The following ADSL variants were observed in gnomAD, a reference collection of about 807,000 sequenced individuals.
The protein encoded by ADSL is adenylosuccinase.
A neutral mutation model predicts 62.1 loss-of-function variants in ADSL; 44 were observed. That is an observed-to-expected ratio of 0.71 (90% CI 0.56 to 0.91). The LOEUF (loss-of-function observed/expected upper bound fraction) is 0.91. ADSL is among the 40% of genes least tolerant of loss of function. The pLI is 0.00. For missense variants in ADSL, 531 were observed against 627.4 expected, an observed-to-expected ratio of 0.85 and a Z score of 1.64; for synonymous variants, 198 against 220.5, an observed-to-expected ratio of 0.90 and a Z score of 0.90.
chr22:40,363,684 C>T (rs1166429961), intron 10 of ADSL, among the ~76,000 whole-genome samples: 2 of 147,044 alleles, frequency 1.4e-5, no homozygotes, highest in African/African-American at 5.1e-5. Flanking sequence ...TGCGGTGAGC[C>T]GAGATCGTGT....
In ADSL at chr22:40,353,118, G is replaced by T. The variant is rs761551284; in HGVS notation, c.402+1G>T. The stretch of plus-strand genomic sequence containing the variant: ...TGCACTTGACCTGCTTTTGCCAAAG[G>T]TAAGGAGTTGGCAGATGTTTCCTAC... On this transcript the variant is annotated splice_donor_variant, in intron 3 of 12. Coordinates refer to ENST00000623063, the MANE Select transcript of ADSL (RefSeq NM_000026.4). LOFTEE classifies it high-confidence loss of function. 9 of 1,613,232 alleles carry T rather than the reference G, an allele frequency of 5.6e-6. No homozygotes were observed. Among genetic ancestry groups the T allele is most frequent in the Non-Finnish European group, 7.6e-6 (9 of 1,179,194 alleles).
At chr22:40,378,222 G>C (rs2046975362) in intron 2 of ADSL, 1 of 151,946 alleles carries the variant, frequency 6.6e-6, no homozygotes, top group Non-Finnish European at 1.5e-5. Flanking sequence ...TTGAGGCCAA[G>C]AGTTTGAGAC....
At chr22:40,364,795 A>G (rs552626683) in intron 11 of ADSL, 85 bp from the exon 12 acceptor site, 8 of 1,418,196 alleles carry the variant, frequency 5.6e-6, no homozygotes, top group South Asian at 1.2e-5. Flanking sequence ...TGTAGACTGC[A>G]TGGATGGGAA....
chr22:40,346,589 G>A lies in ADSL; in HGVS notation c.31G>A (p.Asp11Asn), dbSNP rs761759515. 1 of 1,606,264 alleles carries A rather than the reference G, an allele frequency of 6.2e-7. No homozygotes were observed. ...GGCTGGAGGCGATCATGGTTCGCCC[G>A]ACAGCTACCGCTCACCTCTTGCCTC... MAAGGDHGSP[D>N]SYRSPLASRY... is the part of the protein sequence containing the mutation. Residue 11 changes from aspartate (D) to asparagine (N), a missense_variant, in exon 1 of 13, where the codon GAC (aspartate) becomes AAC (asparagine). This residue lies in a region of ADSL where 60 missense variants were observed against 34.5 expected (regional missense o/e 1.74). Coordinates refer to ENST00000623063, the MANE Select transcript of ADSL (RefSeq NM_000026.4).
chr22:40,346,721 C>G lies in ADSL; in HGVS notation c.153+10C>G, dbSNP rs751038604. ...GGCGGAGGCCGAGCAGGTAACGGAT[C>G]CCGGGCTGAGGGGCTGGGCCGGGAG... On this transcript the variant is annotated intron_variant, in intron 1 of 12. Transcript: ENST00000623063. 1.3e-6 allele frequency: 2 copies of G among 1,599,170 alleles called. No individual in the cohort carries two copies. Among genetic ancestry groups the G allele is most frequent in the Non-Finnish European group, 8.5e-7 (1 of 1,176,094 alleles).
intron 6 of ADSL, among the ~76,000 whole-genome samples, 170 bp downstream of exon 6, chr22:40,359,476 C>CTTTTTTTTTTT (rs56719087): frequency 6.8e-5 from 3 of 43,858 alleles, no homozygotes; most frequent in African/African-American, 1.3e-4. Flanking sequence ...TATCTGGATT[C>CTTTTTTTTTTT]TTTTTTTTTT....
intron 4 of ADSL, among the ~76,000 whole-genome samples, chr22:40,356,582 T>C (rs1343343754): frequency 2.0e-5 from 3 of 151,262 alleles, no homozygotes; most frequent in Non-Finnish European, 4.4e-5. Context: ...TAGTGACTTA[T>C]GGCTGTAATC....
chr22:40,360,615 T>A, intron 7 of ADSL, 123 bp downstream of exon 7: 1 of 726,952 alleles, frequency 1.4e-6, no homozygotes, highest in East Asian at 2.7e-5. Context: ...TTTTAATAAT[T>A]TGTGGTCTGT....
At chr22:40,346,743 G>A (rs2044155418) in intron 1 of ADSL, 32 bp downstream of exon 1, 52 of 1,572,900 alleles carry the variant, frequency 3.3e-5, no homozygotes, top group Non-Finnish European at 4.4e-5. Context: ...GGCTGGGCCG[G>A]GAGGGACGGG....
Position 40,349,870 on chromosome 22 carries a change from G to C in ADSL, c.192G>C (p.Glu64Asp). ...GLPITDEQIQEMKSNLENIDF... is the reference protein window; with the variant it reads ...GLPITDEQIQDMKSNLENIDF... ...CTATCACAGATGAACAAATCCAGGA[G>C]ATGAAATCAAACCTGGAGAACATCG... Residue 64 changes from glutamate (E) to aspartate (D), a missense_variant, in exon 2 of 13, where the codon GAG becomes GAC. Coordinates refer to ENST00000623063, the MANE Select transcript of ADSL (RefSeq NM_000026.4). The C allele has an allele frequency of 6.2e-7, 1 of 1,614,130 alleles. No homozygotes were observed. The highest frequency in any genetic ancestry group is 8.5e-7 in the Non-Finnish European group (1 of 1,180,018).
At chr22:40,374,880 G>A (rs144349043) in intron 2 of ADSL, among the ~76,000 whole-genome samples, 1 of 152,218 alleles carries the variant, frequency 6.6e-6, no homozygotes, top group East Asian at 1.9e-4. Context: ...ATGAGACCTT[G>A]CCTCAAACAA....
intron 2 of ADSL, among the ~76,000 whole-genome samples, chr22:40,385,346 G>A (rs529873015): frequency 6.6e-6 from 1 of 152,334 alleles, no homozygotes; most frequent in African/African-American, 2.4e-5. Context: ...GTGGGTACAG[G>A]GATAGTTGCT....
At position 40,366,509 on chromosome 22, in the gene ADSL, A is replaced by C; in HGVS notation, c.1442A>C (p.Glu481Ala). ...GAAAGCGTGATGAAGGTGAAAGCAG[A>C]ATTATGTCTGTAGAGTTGGAAGAGA... Reference protein sequence around the residue: ...PYESVMKVKAELCL With the variant: ...PYESVMKVKAALCL Residue 481 changes from glutamate to alanine, a missense_variant, in exon 13 of 13, where the codon GAA (glutamate) becomes GCA (alanine). Glu to Ala is a moderately radical substitution (Grantham distance 107, BLOSUM62 -1). Coordinates refer to ENST00000623063, the MANE Select transcript of ADSL (RefSeq NM_000026.4). 6.2e-7 allele frequency: 1 copy of C among 1,610,242 alleles called. No individual in the cohort carries two copies. Among genetic ancestry groups the C allele is most frequent in the South Asian group, 1.1e-5 (1 of 91,010 alleles).
chr22:40,368,998 A>G lies in ADSL; in HGVS notation c.*2476A>G, dbSNP rs910834301. On this transcript the variant is annotated 3_prime_UTR_variant, in exon 13 of 13. Transcript: ENST00000623063. ...GAAATTAAGTCATGGGACTCTGACC[A>G]GATATTCTGTCTACTTCCTTCTCTG... The G allele has an allele frequency of 1.1e-4, 16 of 152,236 alleles. No individual in the cohort carries two copies. Among genetic ancestry groups the G allele is most frequent in the African/African-American group, 2.7e-4 (11 of 41,450 alleles). The allele number at this position is 152,236 out of a possible 1,614,324, so 9.4% of individuals were successfully genotyped here.
downstream of ADSL, chr22:40,372,787 GT>G (rs2045845590): frequency 6.6e-6 from 1 of 152,186 alleles, no homozygotes; most frequent in Non-Finnish European, 1.5e-5. Flanking sequence ...TGTGTTTTCA[GT>G]TTTTCTCTTC....
intron 5 of ADSL, 43 bp from the exon 6 acceptor site, chr22:40,359,217 T>G (rs371075097): frequency 5.0e-6 from 8 of 1,609,374 alleles, no homozygotes; most frequent in Non-Finnish European, 6.8e-6. Context: ...ATTCTCACAC[T>G]GGACACATGG....
rs1182949564 is a variant in ADSL at position 40,357,933 on chromosome 22, A to G, written c.483-931A>G. 2.0e-5 allele frequency among the ~76,000 whole-genome samples: 3 copies of G among 151,608 alleles called. No individual in the cohort carries two copies. The East Asian group carries it at 5.8e-4, about 29-fold the overall frequency. On this transcript the variant is annotated intron_variant, in intron 4 of 12. Transcript: ENST00000623063. ...ATTACAAACACCCGCCACCACGCCCAGTTAATTTTTTGTATTTTTAGTAGA... is the reference window on the plus strand; with the variant it reads ...ATTACAAACACCCGCCACCACGCCCGGTTAATTTTTTGTATTTTTAGTAGA...
At chr22:40,348,906 A>G (rs185212653) in intron 1 of ADSL, 12 of 276,994 alleles carry the variant, frequency 4.3e-5, no homozygotes, top group African/African-American at 2.0e-4. Context: ...TTTGCAGCCT[A>G]ATTTTTCCAG....
chr22:40,384,555 C>T (rs1042045700), intron 2 of ADSL, among the ~76,000 whole-genome samples: 2 of 152,214 alleles, frequency 1.3e-5, no homozygotes, highest in South Asian at 4.1e-4. Flanking sequence ...CCAAGGTGGG[C>T]GGATCACGAG....
Sources: gnomAD v4.1 joint callset for allele counts (sites outside exome capture counted in the v4.1 genomes callset) on GRCh38, gnomAD v4.1.1 for gene constraint, gnomAD v4.1.1 regional missense constraint, MANE v1.5 for transcripts, NCBI Gene and HGNC (gene_info 2026-07-23, HGNC 2026-07-21) for gene names.